TEC: variants seen among roughly 807,000 people sequenced by gnomAD.
TEC encodes tec protein tyrosine kinase, also known as tyrosine-protein kinase Tec.
In TEC, 72 loss-of-function variants were observed where a neutral mutation model predicts 93.0. The ratio of observed to expected loss-of-function variants is 0.77; its 90% confidence interval spans 0.64 to 0.94. The LOEUF (loss-of-function observed/expected upper bound fraction) is 0.94, where lower values mean the gene tolerates loss of function less well. Among genes scored for constraint, TEC ranks in the 40% least tolerant of loss-of-function variants. TEC has a pLI of 0.00. For missense variants in TEC, 630 were observed against 757.9 expected (o/e 0.83, Z 1.98); for synonymous variants, 249 against 247.7 (o/e 1.01, Z -0.05).
chr4:48,196,218 G>A (rs892214818), intron 2 of TEC, among the ~76,000 whole-genome samples: 1 of 152,140 alleles, frequency 6.6e-6, no homozygotes, highest in Non-Finnish European at 1.5e-5. Flanking sequence ...CTCAGTGTGG[G>A]CAGGCATTCT....
intron 14 of TEC, among the ~76,000 whole-genome samples, chr4:48,143,119 A>G (rs1194392753): frequency 6.6e-6 from 1 of 152,196 alleles, no homozygotes; most frequent in East Asian, 1.9e-4. Context: ...AGTCTTATAA[A>G]GTGAGAGTTA....
chr4:48,202,377 C>T (rs1722557036), intron 2 of TEC, among the ~76,000 whole-genome samples: 1 of 151,904 alleles, frequency 6.6e-6, no homozygotes, highest in Non-Finnish European at 1.5e-5. Context: ...ACCAGCCTAG[C>T]CAACAAGCCA....
At chr4:48,261,474 A>G (rs772173436) in intron 1 of TEC, among the ~76,000 whole-genome samples, 2 of 152,230 alleles carry the variant, frequency 1.3e-5, no homozygotes, top group Non-Finnish European at 2.9e-5. Flanking sequence ...AGCCAGTTTC[A>G]TTTTTGGGGC....
At chr4:48,164,967 C>G (rs1720822218) in intron 7 of TEC, among the ~76,000 whole-genome samples, 2 of 152,044 alleles carry the variant, frequency 1.3e-5, no homozygotes, top group Admixed American at 1.3e-4. Context: ...CACGCCACTG[C>G]ACTCCAGCAC....
chr4:48,185,009 C>G (rs1721757318), intron 2 of TEC, among the ~76,000 whole-genome samples: 1 of 151,906 alleles, frequency 6.6e-6, no homozygotes, highest in Non-Finnish European at 1.5e-5. Context: ...CTTTTACCAT[C>G]TGCAAAGCAC....
intron 2 of TEC, among the ~76,000 whole-genome samples, chr4:48,220,682 C>G (rs1485401959): frequency 6.6e-6 from 1 of 152,118 alleles, no homozygotes; most frequent in African/African-American, 2.4e-5. Flanking sequence ...TTCTTTATAG[C>G]AATACGAATG....
chr4:48,196,498 G>A (rs990165302), intron 2 of TEC, among the ~76,000 whole-genome samples: 24 of 152,300 alleles, frequency 1.6e-4, no homozygotes, highest in Admixed American at 1.4e-3. Context: ...TTGGAAGAAC[G>A]CTGACAAACA....
intron 15 of TEC, among the ~76,000 whole-genome samples, chr4:48,140,741 T>C (rs931055773): frequency 2.4e-4 from 36 of 152,316 alleles, no homozygotes; most frequent in Admixed American, 2.3e-3. Flanking sequence ...TTTTCATCCA[T>C]TTAAAAATGT....
At chr4:48,245,202 A>T (rs1724022134) in intron 1 of TEC, among the ~76,000 whole-genome samples, 1 of 151,950 alleles carries the variant, frequency 6.6e-6, no homozygotes, top group African/African-American at 2.4e-5. Context: ...CTGAGGCAGG[A>T]GAATCGCTTT....
At chr4:48,137,588 A>C in intron 17 of TEC, 89 bp from the exon 18 acceptor site, 4 of 1,061,706 alleles carry the variant, frequency 3.8e-6, no homozygotes, top group Non-Finnish European at 5.8e-6. Flanking sequence ...ACAGCATATT[A>C]CAGAGAGACT....
intron 8 of TEC, among the ~76,000 whole-genome samples, chr4:48,160,465 G>C (rs897447460): frequency 6.6e-6 from 1 of 152,104 alleles, no homozygotes; most frequent in East Asian, 1.9e-4. Context: ...GGTGGCTCAC[G>C]TCTGTAATGC....
intron 2 of TEC, among the ~76,000 whole-genome samples, chr4:48,201,323 C>G (rs1026555624): frequency 5.3e-5 from 8 of 152,096 alleles, no homozygotes; most frequent in Non-Finnish European, 1.2e-4. Flanking sequence ...TGTGAGAACT[C>G]AGACCTCAGA....
Position 48,146,185 on chromosome 4 carries a change from G to T in TEC, c.1081+140C>A, listed in dbSNP as rs748031469. 114 of 684,968 alleles carry T rather than the reference G, an allele frequency of 1.7e-4. No homozygotes were observed. In the Middle Eastern group the frequency reaches 7.3e-3, roughly 44 times the overall value. 42.4% of individuals were successfully genotyped at this position (684,968 alleles called of 1,614,324 possible). A position where few individuals can be genotyped will look rare whatever the true frequency, so the allele number is the denominator to read the frequency against. ...AATACCTAGGCTGCTATGGTCTTAA[G>T]TATAATTATCTAAAAACCTATACTA... On this transcript the variant is annotated intron_variant, in intron 12 of 17. Coordinates refer to ENST00000381501, the MANE Select transcript of TEC (RefSeq NM_003215.3).
intron 2 of TEC, 44 bp downstream of exon 2, chr4:48,228,433 T>C (rs370041020): frequency 4.7e-5 from 71 of 1,513,176 alleles, no homozygotes; most frequent in African/African-American, 2.8e-5. Flanking sequence ...ATAAAATCGT[T>C]ATCTACATAG....
intron 2 of TEC, among the ~76,000 whole-genome samples, chr4:48,185,491 CA>C (rs1721784289): frequency 6.6e-6 from 1 of 152,122 alleles, no homozygotes; most frequent in African/African-American, 2.4e-5. Context: ...GCCTCTTTAC[CA>C]AGGACAAAAT....
chr4:48,151,053 G>GA (rs1720144770), intron 9 of TEC, 111 bp from the exon 10 acceptor site: 4 of 712,680 alleles, frequency 5.6e-6, no homozygotes, highest in Admixed American at 3.5e-5. Flanking sequence ...TTCTTTCCCA[G>GA]AAAAAAATGC....
intron 2 of TEC, among the ~76,000 whole-genome samples, chr4:48,184,759 G>C (rs565694699): frequency 1.5e-3 from 173 of 113,326 alleles, no homozygotes; most frequent in Non-Finnish European, 2.2e-3. Context: ...GGACCAGGCA[G>C]ACAAAAAAAA....
intron 2 of TEC, among the ~76,000 whole-genome samples, chr4:48,186,988 A>C (rs909460290): frequency 2.0e-5 from 3 of 152,382 alleles, no homozygotes; most frequent in Middle Eastern, 3.4e-3. Flanking sequence ...TGTCGAATAG[A>C]AAAGGGGGAA....
Position 48,137,509 on chromosome 4 carries a change from A to C in TEC, c.1813-10T>G. 6.2e-7 allele frequency: 1 copy of C among 1,613,172 alleles called. No homozygotes were observed. The highest frequency in any genetic ancestry group is 8.5e-7 in the Non-Finnish European group (1 of 1,179,304). On this transcript the variant is annotated splice_polypyrimidine_tract_variant and intron_variant, in intron 17 of 17. Transcript: ENST00000381501. Reference sequence around the variant, plus strand: ...GCCTTCCCTCTGGTTTCTACAATTAAAAGTCAAAGAGAAGCTGTGGGTTCC... The same window carrying C: ...GCCTTCCCTCTGGTTTCTACAATTACAAGTCAAAGAGAAGCTGTGGGTTCC...
Sources: gnomAD v4.1 joint callset for allele counts (sites outside exome capture counted in the v4.1 genomes callset) on GRCh38, gnomAD v4.1.1 for gene constraint, MANE v1.5 for transcripts, NCBI Gene and HGNC (gene_info 2026-07-23, HGNC 2026-07-21) for gene names.